Variants in NEGR1 observed in about 807,000 individuals in gnomAD.
NEGR1 encodes IgLON family member 4.
NEGR1 carries 10 observed loss-of-function variants against 40.9 expected under a neutral mutation model. The observed-to-expected ratio is 0.24, with a 90% CI of 0.15 to 0.42. The LOEUF is 0.42. NEGR1 is among the 10% of genes least tolerant of loss of function. NEGR1 has a pLI of 1.00. For missense variants in NEGR1, 352 were observed against 438.9 expected, an observed-to-expected ratio of 0.80 and a Z score of 1.77; for synonymous variants, 185 against 166.8, an observed-to-expected ratio of 1.11 and a Z score of -0.84.
intron 1 of NEGR1, among the ~76,000 whole-genome samples, chr1:71,985,151 T>A (rs1027586013): frequency 9.9e-5 from 15 of 152,148 alleles, no homozygotes; most frequent in Non-Finnish European, 4.4e-5. Flanking sequence ...GAGCTTTGAA[T>A]TCCCATTCTA....
At chr1:71,675,112 CATAT>C (rs1553157758) in intron 4 of NEGR1, among the ~76,000 whole-genome samples, 1 of 45,208 alleles carries the variant, frequency 2.2e-5, no homozygotes, top group Non-Finnish European at 5.6e-5. Context: ...CATGTTTATT[CATAT>C]ATATATATAT....
chr1:71,485,743 T>A (rs887667481), intron 6 of NEGR1, among the ~76,000 whole-genome samples: 4 of 151,734 alleles, frequency 2.6e-5, no homozygotes, highest in Admixed American at 2.6e-4. Flanking sequence ...TTAACCATCC[T>A]GTATGTCTTT....
chr1:71,495,019 C>T (rs2101391610), intron 6 of NEGR1, among the ~76,000 whole-genome samples: 1 of 152,202 alleles, frequency 6.6e-6, no homozygotes, highest in Admixed American at 6.5e-5. Context: ...ATTTTCTTTT[C>T]CTTATGATTT....
At chr1:72,222,666 C>G (rs998087568) in intron 1 of NEGR1, among the ~76,000 whole-genome samples, 2 of 152,112 alleles carry the variant, frequency 1.3e-5, no homozygotes, top group African/African-American at 4.8e-5. Context: ...TGGTTAGGTT[C>G]ACTATGTGTC....
chr1:71,873,616 A>G (rs1472439685), intron 2 of NEGR1, among the ~76,000 whole-genome samples: 1 of 152,192 alleles, frequency 6.6e-6, no homozygotes, highest in East Asian at 1.9e-4. Context: ...CAAATATGCT[A>G]GAATATTCAC....
intron 6 of NEGR1, among the ~76,000 whole-genome samples, chr1:71,591,446 C>T (rs916105544): frequency 2.0e-5 from 3 of 152,114 alleles, no homozygotes; most frequent in African/African-American, 7.2e-5. Context: ...TGTTATTAAG[C>T]CTTAAATTTT....
chr1:71,997,403 G>C (rs1475214394), intron 1 of NEGR1, among the ~76,000 whole-genome samples: 1 of 151,946 alleles, frequency 6.6e-6, no homozygotes, highest in Non-Finnish European at 1.5e-5. Flanking sequence ...ATACTGCAAT[G>C]CCCTTTCCCC....
intron 2 of NEGR1, among the ~76,000 whole-genome samples, chr1:71,824,769 T>A (rs948455306): frequency 2.6e-5 from 4 of 151,960 alleles, no homozygotes; most frequent in Non-Finnish European, 5.9e-5. Flanking sequence ...AATGGAATCA[T>A]CTAACTTCTT....
intron 4 of NEGR1, among the ~76,000 whole-genome samples, chr1:71,652,842 T>A (rs1198913610): frequency 6.6e-6 from 1 of 151,906 alleles, no homozygotes; most frequent in Non-Finnish European, 1.5e-5. Flanking sequence ...CCAGGCTGGG[T>A]GAGAGAGTGA....
chr1:71,796,203 T>A (rs569619199), intron 2 of NEGR1, among the ~76,000 whole-genome samples: 1 of 152,244 alleles, frequency 6.6e-6, no homozygotes, highest in Admixed American at 6.6e-5. Context: ...ACAGAAGCCC[T>A]CTGTGTGTAC....
At chr1:71,675,810 T>TC (rs67104399) in intron 4 of NEGR1, among the ~76,000 whole-genome samples, 3 of 3,828 alleles carry the variant, frequency 7.8e-4, no homozygotes, top group Non-Finnish European at 7.3e-3. Context: ...TTTGTTTTTT[T>TC]TTTCCTTAAG....
intron 2 of NEGR1, among the ~76,000 whole-genome samples, chr1:71,805,255 C>T (rs369845677): frequency 3.3e-5 from 5 of 152,118 alleles, no homozygotes; most frequent in Non-Finnish European, 7.4e-5. Context: ...TCTTGCCCTG[C>T]CTCCATTTAC....
chr1:71,661,749 C>A (rs2422016), intron 4 of NEGR1, among the ~76,000 whole-genome samples: 71,732 of 152,010 alleles, frequency 0.47, 16,989 homozygotes, highest in Middle Eastern at 0.54. Flanking sequence ...TCTAGCCTAA[C>A]TATATTAATA....
At chr1:71,547,973 T>C (rs988471329) in intron 6 of NEGR1, among the ~76,000 whole-genome samples, 14 of 151,694 alleles carry the variant, frequency 9.2e-5, no homozygotes, top group African/African-American at 3.4e-4. Flanking sequence ...TGGGCAGCTC[T>C]ATGAAAAAGT....
intron 2 of NEGR1, among the ~76,000 whole-genome samples, chr1:71,844,208 T>C (rs1228785960): frequency 6.6e-6 from 1 of 152,176 alleles, no homozygotes; most frequent in African/African-American, 2.4e-5. Flanking sequence ...ATGAGAACTA[T>C]GGATGTAACC....
intron 3 of NEGR1, among the ~76,000 whole-genome samples, chr1:71,751,197 A>G (rs1655560445): frequency 6.6e-6 from 1 of 152,094 alleles, no homozygotes; most frequent in African/African-American, 2.4e-5. Context: ...CTCCCCTTCA[A>G]TAAGAGATGA....
At chr1:71,951,870 A>G (rs1017882103) in intron 1 of NEGR1, among the ~76,000 whole-genome samples, 9 of 151,858 alleles carry the variant, frequency 5.9e-5, no homozygotes, top group Non-Finnish European at 8.8e-5. Context: ...TTATTATTAT[A>G]TGTTTTATGG....
intron 1 of NEGR1, among the ~76,000 whole-genome samples, chr1:71,989,672 T>C (rs995015656): frequency 1.3e-5 from 2 of 152,194 alleles, no homozygotes; most frequent in Non-Finnish European, 2.9e-5. Context: ...CACCAGTAAG[T>C]ACATTACTGA....
chr1:71,481,594 T>C (rs1646854231), intron 6 of NEGR1, among the ~76,000 whole-genome samples: 1 of 151,886 alleles, frequency 6.6e-6, no homozygotes, highest in Non-Finnish European at 1.5e-5. Flanking sequence ...TTTATACGAA[T>C]AGTCTAGATT....
Sources: gnomAD v4.1 joint callset for allele counts (sites outside exome capture counted in the v4.1 genomes callset) on GRCh38, gnomAD v4.1.1 for gene constraint, MANE v1.5 for transcripts, NCBI Gene and HGNC (gene_info 2026-07-23, HGNC 2026-07-21) for gene names.